The following CCDC181 variants were observed in gnomAD, a reference collection of about 807,000 sequenced individuals.
CCDC181 encodes coiled-coil domain containing 181, also known as coiled-coil domain-containing protein 181.
Under a neutral mutation model 58.7 loss-of-function variants are expected in CCDC181, and 35 were observed. The ratio of observed to expected loss-of-function variants is 0.60; its 90% CI spans 0.46 to 0.79. The LOEUF is 0.79. CCDC181 is among the 30% of genes least tolerant of loss of function. The probability of loss-of-function intolerance (pLI) is 0.00; values close to 1 mark genes in which losing one functional copy is unlikely to be tolerated. For missense variants in CCDC181, 517 were observed against 583.9 expected (o/e 0.89, Z 1.18); for synonymous variants, 183 against 197.5 (o/e 0.93, Z 0.62).
chr1:169,417,108 G>A (rs905346573), intron 4 of CCDC181, among the ~76,000 whole-genome samples: 1 of 152,154 alleles, frequency 6.6e-6, no homozygotes, highest in Middle Eastern at 3.4e-3. Context: ...AAATGGGGAA[G>A]GGTTCCCACT....
At chr1:169,402,202 G>C (rs1655391932) in intron 4 of CCDC181, among the ~76,000 whole-genome samples, 1 of 152,146 alleles carries the variant, frequency 6.6e-6, no homozygotes, top group Admixed American at 6.5e-5. Context: ...AAAGTGACGG[G>C]GAGAACGGAA....
At chr1:169,435,177 A>G (rs1166097237) in intron 2 of CCDC181, among the ~76,000 whole-genome samples, 1 of 152,108 alleles carries the variant, frequency 6.6e-6, no homozygotes, top group Non-Finnish European at 1.5e-5. Context: ...TACAACATTG[A>G]TGAACCTTGA....
chr1:169,429,505 G>T (rs1257578717), upstream of CCDC181, among the ~76,000 whole-genome samples: 1 of 152,114 alleles, frequency 6.6e-6, no homozygotes, highest in Non-Finnish European at 1.5e-5. Context: ...TCTTGCAGGA[G>T]TAAGGTGGTA....
intron 4 of CCDC181, among the ~76,000 whole-genome samples, chr1:169,409,157 G>C (rs1376067419): frequency 6.6e-6 from 1 of 152,136 alleles, no homozygotes; most frequent in Admixed American, 6.6e-5. Context: ...GGTTAGATGA[G>C]TTGCTAACTA....
At chr1:169,452,671 G>A (rs541915539) in intron 2 of CCDC181, 2 of 152,154 alleles carry the variant, frequency 1.3e-5, no homozygotes, top group East Asian at 3.9e-4. Context: ...ACTAAAATAA[G>A]CCATTTTCTC....
intron 2 of CCDC181, among the ~76,000 whole-genome samples, chr1:169,442,385 A>G (rs1013833693): frequency 6.6e-6 from 1 of 152,050 alleles, no homozygotes; most frequent in Non-Finnish European, 1.5e-5. Context: ...AAACAATAAT[A>G]TGAAGCCATT....
At chr1:169,418,680 C>G (rs10919167) in intron 4 of CCDC181, 166,937 of 309,590 alleles carry the variant, frequency 0.54, 47,589 homozygotes, top group Non-Finnish European at 0.59. Context: ...TACGTCTAGT[C>G]TTAAGTGAGA....
chr1:169,413,956 C>T (rs1344301914), intron 4 of CCDC181, among the ~76,000 whole-genome samples: 5 of 151,924 alleles, frequency 3.3e-5, no homozygotes, highest in South Asian at 2.1e-4. Flanking sequence ...CACCATGGCA[C>T]GTGTCTACTT....
At chr1:169,440,744 C>A (rs1367545890) in intron 2 of CCDC181, among the ~76,000 whole-genome samples, 1 of 151,818 alleles carries the variant, frequency 6.6e-6, no homozygotes, top group Non-Finnish European at 1.5e-5. Flanking sequence ...TGGCAAAACC[C>A]CATCTCTACT....
chr1:169,433,014 A>G (rs999527659), intron 2 of CCDC181, among the ~76,000 whole-genome samples: 15 of 152,200 alleles, frequency 9.9e-5, no homozygotes, highest in Admixed American at 8.5e-4. Context: ...AGAAAAAGAA[A>G]TATAAGGCAG....
chr1:169,426,519 A>G (rs1656718869), intron 1 of CCDC181, among the ~76,000 whole-genome samples: 1 of 152,240 alleles, frequency 6.6e-6, no homozygotes, highest in Admixed American at 6.5e-5. Flanking sequence ...GGTAAATCCC[A>G]TGTGGATAGG....
chr1:169,411,363 C>A (rs1005791811), intron 4 of CCDC181, among the ~76,000 whole-genome samples: 1 of 151,992 alleles, frequency 6.6e-6, no homozygotes, highest in African/African-American at 2.4e-5. Context: ...CTGTATAGAC[C>A]AATAACAAGT....
intron 4 of CCDC181, among the ~76,000 whole-genome samples, chr1:169,402,930 A>T (rs1180844707): frequency 6.6e-6 from 1 of 152,032 alleles, no homozygotes; most frequent in East Asian, 1.9e-4. Context: ...AGACACACAT[A>T]GGCTCAAAAT....
intron 2 of CCDC181, among the ~76,000 whole-genome samples, chr1:169,434,477 G>T (rs1657002784): frequency 2.0e-5 from 3 of 151,904 alleles, no homozygotes; most frequent in Admixed American, 2.0e-4. Flanking sequence ...AAAAATATTT[G>T]TACAGTCATG....
intron 3 of CCDC181, among the ~76,000 whole-genome samples, chr1:169,419,424 A>G (rs1656368141): frequency 6.6e-6 from 1 of 152,182 alleles, no homozygotes; most frequent in African/African-American, 2.4e-5. Flanking sequence ...TACCCAAAAT[A>G]CAAAAATTAG....
intron 2 of CCDC181, among the ~76,000 whole-genome samples, chr1:169,452,908 A>G (rs984010875): frequency 6.6e-6 from 1 of 152,124 alleles, no homozygotes; most frequent in African/African-American, 2.4e-5. Flanking sequence ...ATGACAAAAT[A>G]TGACCCATTC....
At chr1:169,456,031 T>A (rs1009997260) in intron 2 of CCDC181, among the ~76,000 whole-genome samples, 16 of 152,206 alleles carry the variant, frequency 1.1e-4, no homozygotes, top group African/African-American at 3.9e-4. Flanking sequence ...CCCTCCTCAG[T>A]TTTAGTTTCT....
At chr1:169,405,388 G>A (rs1480955522) in intron 4 of CCDC181, among the ~76,000 whole-genome samples, 4 of 152,116 alleles carry the variant, frequency 2.6e-5, no homozygotes, top group African/African-American at 4.8e-5. Flanking sequence ...GAGGCATCAC[G>A]CTACCTGACT....
At chr1:169,406,193 T>C (rs547234430) in intron 4 of CCDC181, among the ~76,000 whole-genome samples, 2 of 152,290 alleles carry the variant, frequency 1.3e-5, no homozygotes, top group South Asian at 4.1e-4. Context: ...TTTTACAGTG[T>C]TGGTGGGAGT....
Sources: gnomAD v4.1 joint callset for allele counts (sites outside exome capture counted in the v4.1 genomes callset) on GRCh38, gnomAD v4.1.1 for gene constraint, MANE v1.5 for transcripts, NCBI Gene and HGNC (gene_info 2026-07-23, HGNC 2026-07-21) for gene names.